TBC1D10B: variants seen among roughly 807,000 people sequenced by gnomAD.
TBC1D10B encodes Rab27A-GAPbeta.
A neutral mutation model predicts 78.4 loss-of-function variants in TBC1D10B; 25 were observed. That is an observed-to-expected ratio of 0.32 (90% CI 0.23 to 0.45). The LOEUF is 0.45. TBC1D10B is among the 20% of genes least tolerant of loss of function. The probability of loss-of-function intolerance (pLI) is 1.00; values close to 1 mark genes in which losing one functional copy is unlikely to be tolerated. For synonymous variants in TBC1D10B, 517 were observed against 478.0 expected, an observed-to-expected ratio of 1.08 and a Z score of -1.06; for missense variants, 996 against 1,104.8, an observed-to-expected ratio of 0.90 and a Z score of 1.40.
chr16:30,365,048 C>T lies in TBC1D10B; in HGVS notation c.1165-42G>A. ...GGGATTACCTCAGCATCTGGGGGAA[C>T]TGATACCCCTTGCACAGACAGGGCC... On this transcript the variant is annotated intron_variant, in intron 3 of 8. Coordinates refer to ENST00000409939, the MANE Select transcript of TBC1D10B (RefSeq NM_015527.4). The surrounding 1 kb of genome is among the most constrained non-coding windows in gnomAD (Gnocchi z 5.0). The T allele has an allele frequency of 1.2e-6, 2 of 1,612,270 alleles. No individual in the cohort carries two copies. The highest frequency in any genetic ancestry group is 2.2e-5 in the East Asian group (1 of 44,866).
chr16:30,359,894 C>G lies in TBC1D10B; in HGVS notation c.1272-53G>C, dbSNP rs1200460537. 4 of 1,458,898 alleles carry G rather than the reference C, an allele frequency of 2.7e-6. No individual in the cohort carries two copies. In the Admixed American group the frequency reaches 8.4e-5, roughly 31 times the overall value. 90.4% of individuals were successfully genotyped at this position (1,458,898 alleles called of 1,614,324 possible). On this transcript the variant is annotated intron_variant, in intron 4 of 8. Coordinates refer to ENST00000409939, the MANE Select transcript of TBC1D10B (RefSeq NM_015527.4). ...GCAGTCACGGGCTGAGAGCTCTGTC[C>G]CCAAACCCAGTTCCAGATTCGTCCC...
rs139742745 is a variant in TBC1D10B, at chr16:30,369,357, A to G, written c.827T>C (p.Met276Thr). The G allele has an allele frequency of 1.9e-4, 301 of 1,598,062 alleles. No homozygotes were observed. The highest frequency in any genetic ancestry group is 2.5e-4 in the Non-Finnish European group (291 of 1,172,530). Residue 276 changes from methionine to threonine, a missense_variant, in exon 1 of 9, where the codon ATG becomes ACG. Around this residue, in one of 5 missense-constraint regions of TBC1D10B, gnomAD observed 448 missense variants for 442.1 expected, o/e 1.01. Coordinates refer to ENST00000409939, the MANE Select transcript of TBC1D10B (RefSeq NM_015527.4). The surrounding 1 kb of genome is among the most constrained non-coding windows in gnomAD (Gnocchi z 4.3). Reference sequence around the variant, plus strand: ...CGCCAAGGACTCCAAGGTCCCAGACATGAGGCTCACGGAGTCCAAGTAACT... The same window carrying G: ...CGCCAAGGACTCCAAGGTCCCAGACGTGAGGCTCACGGAGTCCAAGTAACT... Reference protein sequence around the residue: ...TLSYLDSVSLMSGTLESLADD... With the variant: ...TLSYLDSVSLTSGTLESLADD...
In TBC1D10B at chr16:30,359,587, A is replaced by T; in HGVS notation, c.1403T>A (p.Leu468Gln). Residue 468 changes from leucine (L) to glutamine (Q), a missense_variant, in exon 6 of 9, where the codon CTG (leucine) becomes CAG (glutamine). Physicochemically the swap from Leu to Gln is moderately radical, Grantham distance 113. Transcript: ENST00000409939. ...HMPAEQAFWC[L>Q]VQICDKYLPG... ...GAGGTACTTGTCGCAGATCTGCACC[A>T]GGCACCAAAAGGCTTGCTGAGAAGA... The T allele has an allele frequency of 6.4e-7, 1 of 1,561,912 alleles. No homozygotes were observed. Among genetic ancestry groups the T allele is most frequent in the African/African-American group, 1.4e-5 (1 of 73,432 alleles).
In TBC1D10B at chr16:30,357,995, A is replaced by G; in HGVS notation, c.2376T>C (p.His792=). The G allele has an allele frequency of 1.9e-6, 3 of 1,551,730 alleles. No individual in the cohort carries two copies. The highest frequency in any genetic ancestry group is 2.6e-6 in the Non-Finnish European group (3 of 1,146,978). Residue 792 remains histidine, a synonymous_variant, in exon 9 of 9, where the codon CAT becomes CAC. Coordinates refer to ENST00000409939, the MANE Select transcript of TBC1D10B (RefSeq NM_015527.4). ...CGGCTGAGGGCCTGTCCCCACCATC[A>G]TGGGGGCCTGGGGGCCCATCTGCCT... The part of the protein sequence containing the change: ...RRKADGPPGP[H]DGGDRPSAEA...
intron 4 of TBC1D10B, among the ~76,000 whole-genome samples, chr16:30,363,761 A>T (rs1755131916): frequency 6.6e-6 from 1 of 152,178 alleles, no homozygotes; most frequent in African/African-American, 2.4e-5. Flanking sequence ...TTGTGACTAG[A>T]CAGTGCCTGG....
At position 30,357,869 on chromosome 16, in the gene TBC1D10B, G is replaced by A. The variant is rs546873167; in HGVS notation, c.*75C>T. 1 of 1,476,372 alleles carries A rather than the reference G, an allele frequency of 6.8e-7. No homozygotes were observed. The highest frequency in any genetic ancestry group is 9.0e-7 in the Non-Finnish European group (1 of 1,113,270). 91.5% of individuals were successfully genotyped at this position (1,476,372 alleles called of 1,614,324 possible). On this transcript the variant is annotated 3_prime_UTR_variant, in exon 9 of 9. Coordinates refer to ENST00000409939, the MANE Select transcript of TBC1D10B (RefSeq NM_015527.4). Reference sequence around the variant, plus strand: ...GGGACAGCCTGACAAGGTGCTAGGGGGTGGCACCTTGGGCCAGGCCTGTTC... The same window carrying A: ...GGGACAGCCTGACAAGGTGCTAGGGAGTGGCACCTTGGGCCAGGCCTGTTC...
rs187378386 is a variant in TBC1D10B, at chr16:30,363,941, C to A, written c.1271+959G>T. Among the ~76,000 whole-genome samples the A allele has an allele frequency of 8.1e-3, 1,238 of 151,950 alleles. 18 individuals carry two copies. Among genetic ancestry groups the A allele is most frequent in the African/African-American group, 0.028 (1,171 of 41,438 alleles). On this transcript the variant is annotated intron_variant, in intron 4 of 8. Transcript: ENST00000409939. Reference sequence around the variant, plus strand: ...GACCAGCCTGGCTAACATGGTGAAACCCCCGTCTCTACTAAAAATACAAAA... The same window carrying A: ...GACCAGCCTGGCTAACATGGTGAAAACCCCGTCTCTACTAAAAATACAAAA...
chr16:30,369,990 C>A lies in TBC1D10B; in HGVS notation c.194G>T (p.Gly65Val). The A allele has an allele frequency of 8.1e-7, 1 of 1,235,168 alleles. No homozygotes were observed. The highest frequency in any genetic ancestry group is 1.0e-6 in the Non-Finnish European group (1 of 989,640). 76.5% of individuals were successfully genotyped at this position (1,235,168 alleles called of 1,614,324 possible). Residue 65 changes from glycine to valine, a missense_variant, in exon 1 of 9, where the codon GGG becomes GTG. Physicochemically the swap from Gly to Val is moderately radical, Grantham distance 109 (BLOSUM62 -3). Transcript: ENST00000409939. The surrounding 1 kb of genome is among the most constrained non-coding windows in gnomAD (Gnocchi z 4.3). ...GGCCGGAGCAGAGGTCTCGGCCGAC[C>A]CCGGGACCCAGGCGGGCCGCGCCTC... ...PGEARPAWVPGSAETSAPAPA... is the reference protein window; with the variant it reads ...PGEARPAWVPVSAETSAPAPA...
intron 4 of TBC1D10B, among the ~76,000 whole-genome samples, chr16:30,360,662 TC>T (rs1484506932): frequency 6.6e-6 from 1 of 152,184 alleles, no homozygotes; most frequent in African/African-American, 2.4e-5. Flanking sequence ...TGACATTTTT[TC>T]TCCACTTTGC....
At chr16:30,364,532 G>A (rs1054036354) in intron 4 of TBC1D10B, among the ~76,000 whole-genome samples, 5 of 152,182 alleles carry the variant, frequency 3.3e-5, no homozygotes, top group Admixed American at 2.0e-4. Context: ...ACATCTGGAG[G>A]AAGCTTGGTC....
Position 30,358,489 on chromosome 16 carries a change from G to A in TBC1D10B, c.1882C>T (p.Leu628=). ...LKKWRETRGE[L]QYRPSRRLHG... ...AGTCGCCGTGAGGGCCGATACTGCA[G>A]CTCCCCCCGCGTTTCCCGCCACTTC... The change falls in exon 9 of 9, where the codon CTG becomes TTG. Residue 628 remains leucine, a synonymous_variant. Transcript: ENST00000409939. 6.2e-7 allele frequency: 1 copy of A among 1,600,004 alleles called. No homozygotes were observed. The highest frequency in any genetic ancestry group is 1.1e-5 in the South Asian group (1 of 88,924).
chr16:30,362,232 G>A (rs1235362799), intron 4 of TBC1D10B, among the ~76,000 whole-genome samples: 1 of 152,050 alleles, frequency 6.6e-6, no homozygotes, highest in African/African-American at 2.4e-5. Context: ...TGATCTGCCC[G>A]CCTTGGCCTC....
intron 4 of TBC1D10B, 110 bp downstream of exon 4, chr16:30,364,790 A>G (rs1039174458): frequency 3.2e-5 from 29 of 911,918 alleles, no homozygotes; most frequent in Admixed American, 2.1e-4. Flanking sequence ...CTCTTCTACA[A>G]GTCCTGAAGG....
In TBC1D10B at chr16:30,357,656, A is replaced by C; in HGVS notation, c.*288T>G. On this transcript the variant is annotated 3_prime_UTR_variant, in exon 9 of 9. Transcript: ENST00000409939. Reference sequence around the variant, plus strand: ...CACCAGGAGTCACCCCTGGGATGACAACGGGCCATTCAGGACAGCACCTAG... The same window carrying C: ...CACCAGGAGTCACCCCTGGGATGACCACGGGCCATTCAGGACAGCACCTAG... 3.9e-6 allele frequency: 2 copies of C among 513,568 alleles called. No homozygotes were observed. Among genetic ancestry groups the C allele is most frequent in the South Asian group, 2.8e-5 (1 of 36,120 alleles). 31.8% of individuals were successfully genotyped at this position (513,568 alleles called of 1,614,324 possible).
chr16:30,369,191 C>T lies in TBC1D10B; in HGVS notation c.956+37G>A. On this transcript the variant is annotated intron_variant, in intron 1 of 8. Transcript: ENST00000409939. The surrounding 1 kb of genome is among the most constrained non-coding windows in gnomAD (Gnocchi z 4.3). ...TTCGCCCTCCCCCAACCTTTGCTTC[C>T]CCGAGGCGGTCCCGCTGGGTGCCCA... 1.3e-6 allele frequency: 2 copies of T among 1,523,566 alleles called. No individual in the cohort carries two copies. Among genetic ancestry groups the T allele is most frequent in the African/African-American group, 1.4e-5 (1 of 72,270 alleles). The allele number at this position is 1,523,566 out of a possible 1,614,324, so 94.4% of individuals were successfully genotyped here.
Position 30,357,569 on chromosome 16 carries a change from C to G in TBC1D10B, c.*375G>C, listed in dbSNP as rs982213973. On this transcript the variant is annotated 3_prime_UTR_variant, in exon 9 of 9. Coordinates refer to ENST00000409939, the MANE Select transcript of TBC1D10B (RefSeq NM_015527.4). ...GGGCTGAAGACAGGGAAAAGGAAGC[C>G]AGCTCCACCTCATGGTAAGGGGAGC... 3.9e-6 allele frequency: 1 copy of G among 257,948 alleles called. No homozygotes were observed. Among genetic ancestry groups the G allele is most frequent in the Non-Finnish European group, 7.5e-6 (1 of 133,648 alleles). 16.0% of individuals were successfully genotyped at this position (257,948 alleles called of 1,614,324 possible). A position where few individuals can be genotyped will look rare whatever the true frequency, so the allele number is the denominator to read the frequency against.
At position 30,357,688 on chromosome 16, in the gene TBC1D10B, A is replaced by T. The variant is rs564094794; in HGVS notation, c.*256T>A. 3 of 590,180 alleles carry T rather than the reference A, an allele frequency of 5.1e-6. No individual in the cohort carries two copies. In the South Asian group the frequency reaches 6.5e-5, roughly 13 times the overall value. The allele number at this position is 590,180 out of a possible 1,614,324, so 36.6% of individuals were successfully genotyped here. A position where few individuals can be genotyped will look rare whatever the true frequency, so the allele number is the denominator to read the frequency against. ...CATTCAGGACAGCACCTAGGAGGGG[A>T]CCCAGAGGGAACTGGGGCAGGAGCG... On this transcript the variant is annotated 3_prime_UTR_variant, in exon 9 of 9. Coordinates refer to ENST00000409939, the MANE Select transcript of TBC1D10B (RefSeq NM_015527.4).
rs756764495 is a variant in TBC1D10B, at chr16:30,358,772, G to A, written c.1688C>T (p.Thr563Met). ...FRVALVLLRH[T>M]LGSVEKLRSC... Reference sequence around the variant, plus strand: ...GCGCAGCTTCTCCACTGAGCCCAGCGTGTGGCGCAGCAGGACCAGGGCCAC... The same window carrying A: ...GCGCAGCTTCTCCACTGAGCCCAGCATGTGGCGCAGCAGGACCAGGGCCAC... The change falls in exon 8 of 9, where the codon ACG (threonine) becomes ATG (methionine). Residue 563 changes from threonine (T) to methionine (M), a missense_variant. This residue lies in a region of TBC1D10B where 168 missense variants were observed against 238.7 expected (regional missense o/e 0.70). Transcript: ENST00000409939. 14 of 1,609,260 alleles carry A rather than the reference G, an allele frequency of 8.7e-6. No individual in the cohort carries two copies. Among genetic ancestry groups the A allele is most frequent in the East Asian group, 4.5e-5 (2 of 44,746 alleles).
At chr16:30,361,487 T>C (rs762140502) in intron 4 of TBC1D10B, among the ~76,000 whole-genome samples, 1 of 152,176 alleles carries the variant, frequency 6.6e-6, no homozygotes, top group Non-Finnish European at 1.5e-5. Context: ...TGCAGTGCAA[T>C]GGTGCGATCC....
Sources: allele counts gnomAD v4.1 joint callset (sites outside exome capture counted in the v4.1 genomes callset), GRCh38; gene constraint gnomAD v4.1.1; regional missense constraint gnomAD v4.1.1; non-coding constraint Gnocchi (gnomAD v3.1); transcripts MANE v1.5; gene names NCBI Gene and HGNC (gene_info 2026-07-23, HGNC 2026-07-21).